PCDH7: variants seen among roughly 807,000 people sequenced by gnomAD.
PCDH7 encodes protocadherin-7.
Under a neutral mutation model 58.9 loss-of-function variants are expected in PCDH7, and 17 were observed. That is an observed-to-expected ratio of 0.29 (90% CI 0.20 to 0.43). PCDH7 has a LOEUF of 0.43. PCDH7 is among the 20% of genes least tolerant of loss of function. The pLI is 1.00. For synonymous variants in PCDH7, 664 were observed against 616.4 expected (o/e 1.08, Z -1.14); for missense variants, 1,274 against 1,441.0 (o/e 0.88, Z 1.88).
intron 1 of PCDH7, among the ~76,000 whole-genome samples, chr4:30,750,902 G>C (rs1421177523): frequency 2.0e-5 from 3 of 151,992 alleles, no homozygotes; most frequent in African/African-American, 7.2e-5. Flanking sequence ...TTTCCAGGAT[G>C]TAGAAAGTTC....
chr4:30,744,122 G>T (rs920726668), intron 1 of PCDH7, among the ~76,000 whole-genome samples: 1 of 151,800 alleles, frequency 6.6e-6, no homozygotes, highest in African/African-American at 2.4e-5. Flanking sequence ...CATTTTTCCC[G>T]CCAAGCTGTT....
Position 30,841,731 on chromosome 4 carries a change from A to G in PCDH7, c.71-78422A>G, listed in dbSNP as rs141707598. On this transcript the variant is annotated intron_variant, in intron 1 of 3. Transcript: ENST00000509759. ...GAATATAAGGATATAAACAAGTACT[A>G]TGCTGGGCAAGGTCAGGGTTATCTA... Among the ~76,000 whole-genome samples the G allele has an allele frequency of 5.2e-3, 797 of 152,196 alleles. 7 individuals carry two copies. Among genetic ancestry groups the G allele is most frequent in the African/African-American group, 0.018 (733 of 41,556 alleles).
At chr4:31,086,872 A>G (rs552784964) in intron 3 of PCDH7, among the ~76,000 whole-genome samples, 1 of 152,262 alleles carries the variant, frequency 6.6e-6, no homozygotes, top group East Asian at 1.9e-4. Context: ...GCAGAGAACA[A>G]GCAATATTAA....
At chr4:31,091,934 C>T (rs1713305820) in intron 3 of PCDH7, among the ~76,000 whole-genome samples, 1 of 151,810 alleles carries the variant, frequency 6.6e-6, no homozygotes, top group Non-Finnish European at 1.5e-5. Context: ...ATTGTGAAAT[C>T]ATAATCAAGC....
At chr4:30,979,804 G>A (rs1750396877) in intron 3 of PCDH7, among the ~76,000 whole-genome samples, 1 of 151,968 alleles carries the variant, frequency 6.6e-6, no homozygotes, top group Non-Finnish European at 1.5e-5. Flanking sequence ...AAAATGAATT[G>A]TATTCTTAAT....
chr4:30,849,179 G>A (rs1304454177), intron 1 of PCDH7, among the ~76,000 whole-genome samples: 5 of 152,022 alleles, frequency 3.3e-5, no homozygotes, highest in South Asian at 4.1e-4. Context: ...CATACTGTTG[G>A]ATGAAACTTG....
intron 1 of PCDH7, among the ~76,000 whole-genome samples, chr4:30,795,240 G>A (rs937202365): frequency 4.6e-5 from 7 of 151,948 alleles, no homozygotes; most frequent in Admixed American, 2.6e-4. Context: ...CTCAGCCTCC[G>A]GAGTAGCTGG....
chr4:31,128,278 T>C (rs964967252), intron 3 of PCDH7, among the ~76,000 whole-genome samples: 2 of 152,176 alleles, frequency 1.3e-5, no homozygotes, highest in Non-Finnish European at 2.9e-5. Context: ...GTCATGGCGC[T>C]CAGTTGAAAA....
intron 3 of PCDH7, among the ~76,000 whole-genome samples, chr4:31,002,109 T>C (rs1752405983): frequency 6.6e-6 from 1 of 152,222 alleles, no homozygotes; most frequent in African/African-American, 2.4e-5. Context: ...ACAAACTCTG[T>C]CAACCTGAAT....
intron 1 of PCDH7, among the ~76,000 whole-genome samples, chr4:30,834,126 C>T (rs1730161864): frequency 6.6e-6 from 1 of 152,174 alleles, no homozygotes; most frequent in Non-Finnish European, 1.5e-5. Context: ...ATGTGCCAGG[C>T]ACTTTTCCAA....
intron 3 of PCDH7, among the ~76,000 whole-genome samples, chr4:31,008,610 T>TA (rs140251183): frequency 0.041 from 6,291 of 151,784 alleles, 455 homozygotes; most frequent in African/African-American, 0.14. Flanking sequence ...GGTTTCCTCT[T>TA]AAAAAAAATA....
chr4:30,724,540 G>T lies in PCDH7; in HGVS notation c.3118G>T (p.Gly1040Ter). The T allele has an allele frequency of 6.2e-7, 1 of 1,614,072 alleles. No homozygotes were observed. The highest frequency in any genetic ancestry group is 8.5e-7 in the Non-Finnish European group (1 of 1,179,998). ...GGGAGCAGGAGACAACATTTCAATT[G>T]GATCAGATCACTGCTCTGAGTACAG... Residue 1040 changes from glycine (G) to a stop codon, truncating the protein, a stop_gained, in exon 1 of 2, where the codon GGA becomes TGA. Coordinates refer to ENST00000361762, the Ensembl canonical transcript of PCDH7. LOFTEE classifies it high-confidence loss of function.
At position 30,721,632 on chromosome 4, in the gene PCDH7, C is replaced by T. The variant is rs1399832424; in HGVS notation, c.210C>T (p.Ser70=). 10 of 1,613,564 alleles carry T rather than the reference C, an allele frequency of 6.2e-6. No homozygotes were observed. Among genetic ancestry groups the T allele is most frequent in the Non-Finnish European group, 8.5e-6 (10 of 1,179,920 alleles). The stretch of plus-strand genomic sequence containing the variant: ...GTGAGGTGACTTTCAGCCTGGAGTC[C>T]GGTTCCGAGTACCTGAAGATCGACA... The change falls in exon 1 of 2, where the codon TCC becomes TCT. Residue 70 remains serine (S), a synonymous_variant. Transcript: ENST00000361762. This position sits in a 1 kb window ranked among gnomAD's most constrained non-coding sequence, Gnocchi z 6.7.
At chr4:30,945,958 C>T (rs1287659397) in intron 2 of PCDH7, among the ~76,000 whole-genome samples, 1 of 152,008 alleles carries the variant, frequency 6.6e-6, no homozygotes, top group Admixed American at 6.6e-5. Flanking sequence ...CCCTTTTTGA[C>T]GATTATTCAG....
At chr4:30,785,964 G>A (rs538789031) in intron 1 of PCDH7, among the ~76,000 whole-genome samples, 5 of 152,120 alleles carry the variant, frequency 3.3e-5, no homozygotes, top group Admixed American at 2.0e-4. Context: ...TTCTGGCACC[G>A]AAAGTAGAAA....
chr4:30,960,653 C>A (rs1292128598), intron 3 of PCDH7, among the ~76,000 whole-genome samples: 1 of 152,074 alleles, frequency 6.6e-6, no homozygotes, highest in Non-Finnish European at 1.5e-5. Flanking sequence ...TATTAGTTAA[C>A]CAAAATATTA....
intron 2 of PCDH7, among the ~76,000 whole-genome samples, chr4:30,934,887 G>A (rs1054685003): frequency 2.0e-5 from 3 of 152,076 alleles, no homozygotes; most frequent in Non-Finnish European, 4.4e-5. Context: ...TTTCCAGAAA[G>A]AGAACCTGGG....
At chr4:30,893,735 T>G (rs976727623) in intron 1 of PCDH7, among the ~76,000 whole-genome samples, 11 of 152,130 alleles carry the variant, frequency 7.2e-5, no homozygotes, top group African/African-American at 2.7e-4. Flanking sequence ...TGACTTTTAC[T>G]TGCAACAAAA....
intron 1 of PCDH7, among the ~76,000 whole-genome samples, chr4:30,805,568 G>A (rs73213194): frequency 6.6e-6 from 1 of 152,112 alleles, no homozygotes; most frequent in Non-Finnish European, 1.5e-5. Context: ...TAGAGCAAAA[G>A]TAAAATCATG....
Sources: allele counts gnomAD v4.1 joint callset (sites outside exome capture counted in the v4.1 genomes callset), GRCh38; gene constraint gnomAD v4.1.1; non-coding constraint Gnocchi (gnomAD v3.1); transcripts MANE v1.5; gene names NCBI Gene and HGNC (gene_info 2026-07-23, HGNC 2026-07-21).